NUP210L: variants seen among roughly 807,000 people sequenced by gnomAD.
NUP210L encodes the protein nucleoporin 210 like, also known as nuclear pore membrane glycoprotein 210-like.
NUP210L carries 74 observed loss-of-function variants against 208.5 expected under a neutral mutation model. That is an observed-to-expected ratio of 0.35 (90% CI 0.29 to 0.43). NUP210L has a LOEUF of 0.43. Ranked by LOEUF, NUP210L falls within the 20% of genes least tolerant of loss-of-function variation. The pLI, the probability that NUP210L is intolerant of heterozygous loss-of-function variation, is 1.00. For synonymous variants in NUP210L, 780 were observed against 816.9 expected, an observed-to-expected ratio of 0.95 and a Z score of 0.77; for missense variants, 1,843 against 2,289.4, an observed-to-expected ratio of 0.81 and a Z score of 3.98.
chr1:154,055,147 CTTTCTTTCTT>C (rs1291404707), intron 23 of NUP210L, among the ~76,000 whole-genome samples: 2 of 87,002 alleles, frequency 2.3e-5, no homozygotes, highest in Non-Finnish European at 4.1e-5. Context: ...TTCTTTCTTT[CTTTCTTTCTT>C]TCTTTCTTTC....
intron 27 of NUP210L, among the ~76,000 whole-genome samples, 175 bp from the exon 28 acceptor site, chr1:154,030,229 G>A (rs1256674124): frequency 4.0e-5 from 6 of 151,852 alleles, no homozygotes; most frequent in African/African-American, 1.5e-4. Context: ...ATACTGCTTG[G>A]GTGATGGGTG....
chr1:154,093,320 C>A (rs1365811530), intron 15 of NUP210L, among the ~76,000 whole-genome samples: 1 of 151,890 alleles, frequency 6.6e-6, no homozygotes, highest in African/African-American at 2.4e-5. Context: ...CCCAGTTACT[C>A]AGGAGGCTGA....
At chr1:154,120,151 G>A (rs999465384) in intron 10 of NUP210L, among the ~76,000 whole-genome samples, 1 of 152,134 alleles carries the variant, frequency 6.6e-6, no homozygotes, top group African/African-American at 2.4e-5. Flanking sequence ...CCAGTGATGA[G>A]GAGCATTTTT....
chr1:154,088,059 T>G (rs115645194), intron 16 of NUP210L, among the ~76,000 whole-genome samples: 2,965 of 152,270 alleles, frequency 0.019, 45 homozygotes, highest in Non-Finnish European at 0.031. Context: ...GGTGATCTGC[T>G]GGACGCGGTA....
At chr1:154,024,066 G>A (rs774798104) in intron 30 of NUP210L, among the ~76,000 whole-genome samples, 43 of 152,312 alleles carry the variant, frequency 2.8e-4, no homozygotes, top group South Asian at 6.2e-4. Flanking sequence ...TGGGATTGGC[G>A]TGAGCCACTG....
Position 154,019,193 on chromosome 1 carries a change from A to T in NUP210L, c.4517-124T>A, listed in dbSNP as rs1392951890. The T allele has an allele frequency of 3.0e-5, 26 of 862,666 alleles. No homozygotes were observed. In the Middle Eastern group the frequency reaches 1.4e-3, roughly 48 times the overall value. 53.4% of individuals were successfully genotyped at this position (862,666 alleles called of 1,614,324 possible). Reference sequence around the variant, plus strand: ...ATATCTCTTCCCAGGAGAAACAGCCAGCTTTGAAGATAACTGTTTTCTCAG... The same window carrying T: ...ATATCTCTTCCCAGGAGAAACAGCCTGCTTTGAAGATAACTGTTTTCTCAG... On this transcript the variant is annotated intron_variant, in intron 32 of 39. Coordinates refer to ENST00000368559, the Ensembl canonical transcript of NUP210L.
At chr1:154,138,989 C>T (rs1014394969) in intron 5 of NUP210L, among the ~76,000 whole-genome samples, 2 of 152,056 alleles carry the variant, frequency 1.3e-5, no homozygotes, top group Non-Finnish European at 2.9e-5. Flanking sequence ...AAATTAGGGC[C>T]GGGTGTGGTG....
rs1350386957 is a variant in NUP210L, at chr1:153,995,201, A to G, written c.5387-21T>C. 3.9e-6 allele frequency: 6 copies of G among 1,533,820 alleles called. No homozygotes were observed. In the Admixed American group the frequency reaches 1.1e-4, roughly 27 times the overall value. On this transcript the variant is annotated intron_variant, in intron 37 of 39. Transcript: ENST00000368559. ...GTGATCTATACATTGGCCATAACAA[A>G]ACAAGATAATAGTTAATAGCAACCA...
chr1:154,061,027 C>G (rs1209693644), exon 19 of NUP210L: 6 of 1,611,944 alleles, frequency 3.7e-6, no homozygotes, highest in Non-Finnish European at 5.1e-6. Flanking sequence ...ATCTACAGAT[C>G]TGGGCAAGTT....
intron 27 of NUP210L, among the ~76,000 whole-genome samples, chr1:154,035,547 G>A (rs1003821999): frequency 6.6e-6 from 1 of 151,458 alleles, no homozygotes; most frequent in Non-Finnish European, 1.5e-5. Flanking sequence ...ACGGGCACTT[G>A]CCACCACGCC....
chr1:154,136,587 G>A (rs543939298), intron 6 of NUP210L, among the ~76,000 whole-genome samples: 111 of 151,988 alleles, frequency 7.3e-4, no homozygotes, highest in African/African-American at 2.0e-3. Context: ...GTAAGAAAAA[G>A]ATTAACGTTA....
At chr1:153,992,848 C>T (rs759706484) in exon 40 of NUP210L, 17 of 1,611,412 alleles carry the variant, frequency 1.1e-5, no homozygotes, top group Non-Finnish European at 1.4e-5. Flanking sequence ...GTGCCTTATA[C>T]TCCATAACCA....
chr1:154,071,859 A>G (rs1654751820), intron 16 of NUP210L, among the ~76,000 whole-genome samples: 1 of 151,748 alleles, frequency 6.6e-6, no homozygotes, highest in Non-Finnish European at 1.5e-5. Context: ...GATGGTCTCA[A>G]TCCCCTGACC....
chr1:154,092,071 A>ATTTT (rs764216863), intron 15 of NUP210L, among the ~76,000 whole-genome samples: 1 of 124,614 alleles, frequency 8.0e-6, no homozygotes, highest in South Asian at 2.6e-4. Flanking sequence ...ATGGGGAGCC[A>ATTTT]TTTTTTTTTT....
At chr1:154,095,094 T>A in exon 15 of NUP210L, 1 of 1,614,108 alleles carries the variant, frequency 6.2e-7, no homozygotes, top group Middle Eastern at 1.6e-4. Flanking sequence ...GAGGACCCCC[T>A]TCAAATACCA....
chr1:154,032,895 G>A (rs138132416), intron 27 of NUP210L, among the ~76,000 whole-genome samples: 1,508 of 149,814 alleles, frequency 0.01, 30 homozygotes, highest in African/African-American at 0.035. Flanking sequence ...TCCAGATTGC[G>A]CCACTGCACT....
At chr1:154,019,615 C>G (rs1422764245) in intron 32 of NUP210L, among the ~76,000 whole-genome samples, 7 of 151,868 alleles carry the variant, frequency 4.6e-5, no homozygotes, top group African/African-American at 1.7e-4. Context: ...ACAATCCTGT[C>G]AAAAATATAG....
chr1:154,127,357 G>A, exon 9 of NUP210L: 1 of 1,607,496 alleles, frequency 6.2e-7, no homozygotes, highest in Non-Finnish European at 8.5e-7. Context: ...GACGTCTACT[G>A]TAATGACATA....
At chr1:154,072,395 A>T (rs1176616599) in intron 16 of NUP210L, among the ~76,000 whole-genome samples, 3 of 110,544 alleles carry the variant, frequency 2.7e-5, no homozygotes, top group Admixed American at 2.6e-4. Flanking sequence ...TGCAGTGGTG[A>T]GATCTCGGCT....
Sources: gnomAD v4.1 joint callset for allele counts (sites outside exome capture counted in the v4.1 genomes callset) on GRCh38, gnomAD v4.1.1 for gene constraint, MANE v1.5 for transcripts, NCBI Gene and HGNC (gene_info 2026-07-23, HGNC 2026-07-21) for gene names.